Variants in MAGI2 observed in about 807,000 individuals in gnomAD.
MAGI2 encodes membrane associated guanylate kinase, WW and PDZ domain containing 2, also known as membrane-associated guanylate kinase, WW and PDZ domain-containing protein 2.
Under a neutral mutation model 133.3 loss-of-function variants are expected in MAGI2, and 35 were observed. That is an observed-to-expected ratio of 0.26 (90% CI 0.20 to 0.35). MAGI2 has a LOEUF of 0.35. Ranked by LOEUF, MAGI2 falls within the 10% of genes least tolerant of loss-of-function variation. The probability of loss-of-function intolerance (pLI) is 1.00; values close to 1 mark genes in which losing one functional copy is unlikely to be tolerated. For synonymous variants in MAGI2, 729 were observed against 710.6 expected, an observed-to-expected ratio of 1.03 and a Z score of -0.41; for missense variants, 1,636 against 1,863.4, an observed-to-expected ratio of 0.88 and a Z score of 2.25.
chr7:79,138,434 C>T (rs1224526119), intron 1 of MAGI2, among the ~76,000 whole-genome samples: 2 of 152,132 alleles, frequency 1.3e-5, no homozygotes, highest in Admixed American at 1.3e-4. Context: ...AAATTGAGAC[C>T]ATTATTTTCA....
intron 6 of MAGI2, among the ~76,000 whole-genome samples, chr7:78,395,930 A>G (rs1314716724): frequency 6.6e-6 from 1 of 152,224 alleles, no homozygotes; most frequent in Non-Finnish European, 1.5e-5. Context: ...GATCCTTACA[A>G]GAATGCAGAC....
intron 3 of MAGI2, among the ~76,000 whole-genome samples, chr7:78,575,508 C>G (rs1331417537): frequency 6.6e-6 from 1 of 152,034 alleles, no homozygotes; most frequent in African/African-American, 2.4e-5. Context: ...CCAAGGACTA[C>G]ATAAATGAAA....
chr7:78,302,641 C>T (rs1297061466), intron 9 of MAGI2, among the ~76,000 whole-genome samples: 1 of 152,172 alleles, frequency 6.6e-6, no homozygotes, highest in East Asian at 1.9e-4. Flanking sequence ...TTATTGAGTG[C>T]CTAATACATT....
At position 78,792,236 on chromosome 7, in the gene MAGI2, C is replaced by T. The variant is rs573960395; in HGVS notation, c.419-164997G>A. 1.4e-4 allele frequency among the ~76,000 whole-genome samples: 22 copies of T among 152,126 alleles called. No individual in the cohort carries two copies. In the East Asian group the frequency reaches 2.5e-3, roughly 17 times the overall value. On this transcript the variant is annotated intron_variant, in intron 2 of 21. Transcript: ENST00000354212. ...ATAAAACTGTCATAGTGTTACAGCA[C>T]GGAGGAAGACACGTAAAGCCTTTAC...
At chr7:79,309,495 C>T (rs1187489066) in intron 1 of MAGI2, among the ~76,000 whole-genome samples, 2 of 151,628 alleles carry the variant, frequency 1.3e-5, no homozygotes, top group Admixed American at 1.3e-4. Flanking sequence ...TTCTTAAAGA[C>T]TCAGCATACA....
chr7:78,052,863 G>C lies in MAGI2; in HGVS notation c.3706+26084C>G, dbSNP rs539742300. Among the ~76,000 whole-genome samples the C allele has an allele frequency of 2.6e-5, 4 of 152,000 alleles. No homozygotes were observed. In the South Asian group the frequency reaches 8.3e-4, roughly 32 times the overall value. ...CTTCAAGGATTTTTTTTTTTGGTAGGATTTTTTTAAAGTAGTGGAAAAATT... is the reference window on the plus strand; with the variant it reads ...CTTCAAGGATTTTTTTTTTTGGTAGCATTTTTTTAAAGTAGTGGAAAAATT... On this transcript the variant is annotated intron_variant, in intron 21 of 21. Transcript: ENST00000354212.
At chr7:79,140,585 C>T (rs114541751) in intron 1 of MAGI2, among the ~76,000 whole-genome samples, 2 of 152,068 alleles carry the variant, frequency 1.3e-5, no homozygotes, top group Non-Finnish European at 2.9e-5. Context: ...TCTGACCCCA[C>T]GATTAATGAT....
chr7:79,055,231 T>G (rs900928246), intron 1 of MAGI2, among the ~76,000 whole-genome samples: 1 of 152,124 alleles, frequency 6.6e-6, no homozygotes, highest in Admixed American at 6.5e-5. Context: ...AGTCACAAGT[T>G]GGGAAACTGT....
chr7:79,245,159 T>C (rs78397277), intron 1 of MAGI2, among the ~76,000 whole-genome samples: 5,629 of 152,142 alleles, frequency 0.037, 164 homozygotes, highest in African/African-American at 0.073. Context: ...TTTGGTGAGA[T>C]TCAGAGATGT....
At chr7:79,292,436 G>C (rs1836558007) in intron 1 of MAGI2, among the ~76,000 whole-genome samples, 1 of 151,654 alleles carries the variant, frequency 6.6e-6, no homozygotes, top group South Asian at 2.1e-4. Context: ...AGCCTGGCCT[G>C]TGTGGTAAAA....
chr7:78,537,966 G>A lies in MAGI2; in HGVS notation c.539-16321C>T, dbSNP rs148950619. Among the ~76,000 whole-genome samples the A allele has an allele frequency of 7.1e-4, 108 of 152,226 alleles. No homozygotes were observed. In the East Asian group the frequency reaches 0.016, roughly 23 times the overall value. ...CAATGTTATCTTCTAGAATTTTTAT[G>A]GTTTGAGGTTTTAGATTTAAGTGTT... On this transcript the variant is annotated intron_variant, in intron 3 of 21. Coordinates refer to ENST00000354212, the MANE Select transcript of MAGI2 (RefSeq NM_012301.4).
chr7:78,269,550 T>C (rs1384562612), intron 9 of MAGI2, among the ~76,000 whole-genome samples: 1 of 140,136 alleles, frequency 7.1e-6, no homozygotes, highest in Non-Finnish European at 1.6e-5. Context: ...ATGAGCTTTT[T>C]TTTCATGTTT....
At chr7:78,649,872 A>C (rs186873443) in intron 2 of MAGI2, among the ~76,000 whole-genome samples, 1 of 152,284 alleles carries the variant, frequency 6.6e-6, no homozygotes, top group Non-Finnish European at 1.5e-5. Flanking sequence ...GAAAGTGCTG[A>C]GGATTAAATG....
intron 21 of MAGI2, 64 bp from the exon 22 acceptor site, chr7:78,020,040 G>T: frequency 7.2e-7 from 1 of 1,397,560 alleles, no homozygotes; most frequent in Non-Finnish European, 9.6e-7. Flanking sequence ...CCCTCTCTAC[G>T]CCGGGGACAG....
chr7:78,066,688 T>A (rs899140400), intron 21 of MAGI2, among the ~76,000 whole-genome samples: 1 of 152,196 alleles, frequency 6.6e-6, no homozygotes, highest in East Asian at 1.9e-4. Flanking sequence ...CTAGAAATTC[T>A]GGAATATCTA....
At chr7:79,217,514 T>G (rs1441376230) in intron 1 of MAGI2, among the ~76,000 whole-genome samples, 3 of 152,014 alleles carry the variant, frequency 2.0e-5, no homozygotes, top group Non-Finnish European at 4.4e-5. Flanking sequence ...GTATTTATAA[T>G]TATCATTTTA....
At chr7:78,725,587 A>G (rs1281684196) in intron 2 of MAGI2, among the ~76,000 whole-genome samples, 1 of 152,236 alleles carries the variant, frequency 6.6e-6, no homozygotes, top group African/African-American at 2.4e-5. Context: ...TCACAAGGTC[A>G]GGAGATAGAG....
chr7:78,248,373 C>G (rs1792017998), intron 10 of MAGI2, among the ~76,000 whole-genome samples: 2 of 152,196 alleles, frequency 1.3e-5, no homozygotes, highest in Middle Eastern at 3.4e-3. Context: ...TCATAGATAT[C>G]TCTACTATGA....
intron 9 of MAGI2, among the ~76,000 whole-genome samples, chr7:78,304,571 T>C (rs1159580433): frequency 6.6e-6 from 1 of 152,246 alleles, no homozygotes; most frequent in African/African-American, 2.4e-5. Context: ...TTCTAGGTAC[T>C]GTCCTGATGC....
Sources: allele counts gnomAD v4.1 joint callset (sites outside exome capture counted in the v4.1 genomes callset), GRCh38; gene constraint gnomAD v4.1.1; transcripts MANE v1.5; gene names NCBI Gene and HGNC (gene_info 2026-07-23, HGNC 2026-07-21).